The following LIN52 variants were observed in gnomAD, a reference collection of about 807,000 sequenced individuals.
The protein encoded by LIN52 is protein lin-52 homolog.
In LIN52, 4 loss-of-function variants were observed where a neutral mutation model predicts 18.5. The ratio of observed to expected loss-of-function variants is 0.22; its 90% confidence interval spans 0.11 to 0.49. The LOEUF (loss-of-function observed/expected upper bound fraction) is 0.49, where lower values mean the gene tolerates loss of function less well. Among genes scored for constraint, LIN52 ranks in the 20% least tolerant of loss-of-function variants. The probability of loss-of-function intolerance (pLI) is 0.97; values close to 1 mark genes in which losing one functional copy is unlikely to be tolerated. For missense variants in LIN52, 102 were observed against 139.5 expected (o/e 0.73, Z 1.35); for synonymous variants, 34 against 45.5 (o/e 0.75, Z 1.02).
chr14:74,148,194 C>T (rs1203312905), intron 5 of LIN52, among the ~76,000 whole-genome samples: 1 of 152,024 alleles, frequency 6.6e-6, no homozygotes, highest in Admixed American at 6.6e-5. Context: ...TTCTAACTCT[C>T]CTCTTCCCTT....
At chr14:74,196,464 C>T (rs2078912837) in intron 5 of LIN52, among the ~76,000 whole-genome samples, 1 of 152,146 alleles carries the variant, frequency 6.6e-6, no homozygotes, top group Non-Finnish European at 1.5e-5. Context: ...CTATTCTCTC[C>T]AGAAGACTTT....
At chr14:74,171,210 T>A (rs1369993988) in intron 5 of LIN52, among the ~76,000 whole-genome samples, 1 of 151,844 alleles carries the variant, frequency 6.6e-6, no homozygotes, top group Non-Finnish European at 1.5e-5. Flanking sequence ...AGATTCCATC[T>A]GTAAAAAAAA....
At chr14:74,134,360 A>C (rs1292287348) in intron 5 of LIN52, among the ~76,000 whole-genome samples, 1 of 152,134 alleles carries the variant, frequency 6.6e-6, no homozygotes, top group African/African-American at 2.4e-5. Flanking sequence ...ATTTGCATTA[A>C]CTTGCTAGGA....
intron 5 of LIN52, among the ~76,000 whole-genome samples, chr14:74,181,033 A>G (rs554722438): frequency 2.5e-4 from 37 of 149,346 alleles, no homozygotes; most frequent in African/African-American, 9.1e-4. Flanking sequence ...CACTTGAGCC[A>G]GGAGGTAGAA....
At chr14:74,167,854 G>A (rs182463352) in intron 5 of LIN52, among the ~76,000 whole-genome samples, 3 of 152,168 alleles carry the variant, frequency 2.0e-5, no homozygotes, top group Non-Finnish European at 2.9e-5. Context: ...TTTACTTACA[G>A]TTATTATATT....
In LIN52 at chr14:74,157,035, C is replaced by CT. The variant is rs71115964; in HGVS notation, c.284-41873dup. On this transcript the variant is annotated intron_variant, in intron 5 of 5. Transcript: ENST00000555028. ...TGTATGTATACCATATTTTCTTTTT[C>CT]TTTTTTTTTTTTTTGAGACAGAATT... 3.3e-3 allele frequency among the ~76,000 whole-genome samples: 451 copies of CT among 138,272 alleles called. 9 individuals carry two copies. The highest frequency in any genetic ancestry group is 5.1e-3 in the African/African-American group (192 of 37,634). The allele number at this position is 138,272 out of a possible 152,430, so 90.7% of individuals were successfully genotyped here. A position where few individuals can be genotyped will look rare whatever the true frequency, so the allele number is the denominator to read the frequency against.
At chr14:74,147,006 C>T (rs768464466) in intron 5 of LIN52, among the ~76,000 whole-genome samples, 1 of 152,094 alleles carries the variant, frequency 6.6e-6, no homozygotes, top group Non-Finnish European at 1.5e-5. Context: ...TGCCTGTAAA[C>T]CCAGCAATTT....
At chr14:74,175,603 A>G (rs1011299846) in intron 5 of LIN52, among the ~76,000 whole-genome samples, 1 of 151,848 alleles carries the variant, frequency 6.6e-6, no homozygotes, top group Non-Finnish European at 1.5e-5. Flanking sequence ...AGGCTGAGGT[A>G]GGAGGATTGC....
chr14:74,178,031 G>A (rs1318970652), intron 5 of LIN52, among the ~76,000 whole-genome samples: 2 of 151,996 alleles, frequency 1.3e-5, no homozygotes, highest in African/African-American at 2.4e-5. Flanking sequence ...CACCTGCCTC[G>A]GCCTCCCAAA....
chr14:74,101,125 A>G, intron 4 of LIN52, 30 bp from the exon 5 acceptor site: 1 of 1,578,232 alleles, frequency 6.3e-7, no homozygotes. Flanking sequence ...GTGGAAAGAA[A>G]TGATGTTGAA....
At chr14:74,130,277 G>GTTTTTTTTTTTTTTTT (rs371965343) in intron 5 of LIN52, among the ~76,000 whole-genome samples, 1 of 46,424 alleles carries the variant, frequency 2.2e-5, no homozygotes, top group African/African-American at 1.8e-4. Flanking sequence ...GGCATTTTTT[G>GTTTTTTTTTTTTTTTT]GTTTTTTTTT....
At chr14:74,182,128 A>G (rs143381078) in intron 5 of LIN52, among the ~76,000 whole-genome samples, 9 of 150,724 alleles carry the variant, frequency 6.0e-5, no homozygotes, top group African/African-American at 2.2e-4. Context: ...CTCCCACCCC[A>G]GCCTTCTGAG....
At chr14:74,176,081 A>T (rs1349269119) in intron 5 of LIN52, among the ~76,000 whole-genome samples, 7 of 152,178 alleles carry the variant, frequency 4.6e-5, no homozygotes, top group Admixed American at 3.9e-4. Flanking sequence ...AGGTCTTCAG[A>T]GGCAGTAACA....
At chr14:74,089,066 C>G (rs143760217) in intron 1 of LIN52, among the ~76,000 whole-genome samples, 7 of 151,922 alleles carry the variant, frequency 4.6e-5, no homozygotes, top group Admixed American at 2.0e-4. Context: ...GAATAGATTC[C>G]GGGGGTGTGA....
At chr14:74,177,467 A>G (rs1485053444) in intron 5 of LIN52, among the ~76,000 whole-genome samples, 1 of 150,220 alleles carries the variant, frequency 6.7e-6, no homozygotes, top group African/African-American at 2.4e-5. Context: ...ATAACATATC[A>G]TGCAATGGTC....
chr14:74,160,325 G>T (rs2061218842), intron 5 of LIN52, among the ~76,000 whole-genome samples: 1 of 152,178 alleles, frequency 6.6e-6, no homozygotes, highest in Admixed American at 6.5e-5. Flanking sequence ...ATTAGCTCAA[G>T]CTGCTGTATG....
chr14:74,093,764 G>A (rs959653538), intron 2 of LIN52, among the ~76,000 whole-genome samples: 2 of 152,206 alleles, frequency 1.3e-5, no homozygotes, highest in Admixed American at 6.5e-5. Flanking sequence ...TCAGGAGTTT[G>A]AGATCAGCCT....
At position 74,199,065 on chromosome 14, in the gene LIN52, T is replaced by A; in HGVS notation, c.*88T>A. 1 of 937,050 alleles carries A rather than the reference T, an allele frequency of 1.1e-6. No individual in the cohort carries two copies. Among genetic ancestry groups the A allele is most frequent in the East Asian group, 2.4e-5 (1 of 41,738 alleles). The allele number at this position is 937,050 out of a possible 1,614,324, so 58.0% of individuals were successfully genotyped here. ...AACAATGCACACCTCACTGCTTGCT[T>A]GGGAGAGGCCAGAGGGTGTACCTCC... On this transcript the variant is annotated 3_prime_UTR_variant, in exon 6 of 6. Transcript: ENST00000555028.
At chr14:74,120,116 A>C (rs1221628043) in intron 5 of LIN52, among the ~76,000 whole-genome samples, 2 of 151,930 alleles carry the variant, frequency 1.3e-5, no homozygotes, top group Non-Finnish European at 2.9e-5. Flanking sequence ...GATTACAGAC[A>C]TGAGCCACTG....
Sources: gnomAD v4.1 joint callset for allele counts (sites outside exome capture counted in the v4.1 genomes callset) on GRCh38, gnomAD v4.1.1 for gene constraint, MANE v1.5 for transcripts, NCBI Gene and HGNC (gene_info 2026-07-23, HGNC 2026-07-21) for gene names.